ELAPOR2: variants seen among roughly 807,000 people sequenced by gnomAD.
The protein encoded by ELAPOR2 is endosome/lysosome-associated apoptosis and autophagy regulator family member 2.
In ELAPOR2, 89 loss-of-function variants were observed where a neutral mutation model predicts 120.7. That is an observed-to-expected ratio of 0.74 (90% CI 0.62 to 0.88). The LOEUF (loss-of-function observed/expected upper bound fraction) is 0.88, where lower values mean the gene tolerates loss of function less well. Ranked by LOEUF, ELAPOR2 falls within the 40% of genes least tolerant of loss-of-function variation. The probability of loss-of-function intolerance (pLI) is 0.00; values close to 1 mark genes in which losing one functional copy is unlikely to be tolerated. For synonymous variants in ELAPOR2, 444 were observed against 444.9 expected (o/e 1.00, Z 0.03); for missense variants, 1,134 against 1,251.6 (o/e 0.91, Z 1.42).
At chr7:86,982,157 G>A (rs910358685) in intron 1 of ELAPOR2, among the ~76,000 whole-genome samples, 1 of 152,260 alleles carries the variant, frequency 6.6e-6, no homozygotes, top group Non-Finnish European at 1.5e-5. Context: ...AGTGGCCAGG[G>A]AAGCTCTAAC....
At chr7:87,055,887 A>G (rs1479271778) in intron 1 of ELAPOR2, among the ~76,000 whole-genome samples, 1 of 152,244 alleles carries the variant, frequency 6.6e-6, no homozygotes, top group Non-Finnish European at 1.5e-5. Context: ...GTCAGGGAGA[A>G]CAGCAGAATT....
At position 87,050,685 on chromosome 7, in the gene ELAPOR2, A is replaced by G. The variant is rs1343249966; in HGVS notation, c.189+8640T>C. ...GAAGGGTGTTGAACAAAAGAATAAC[A>G]GTTTTAAATTTATATTTTAATGCTA... On this transcript the variant is annotated intron_variant, in intron 1 of 21. Coordinates refer to ENST00000450689, the MANE Select transcript of ELAPOR2 (RefSeq NM_001142749.3). 2.0e-5 allele frequency among the ~76,000 whole-genome samples: 3 copies of G among 152,214 alleles called. No homozygotes were observed. In the East Asian group the frequency reaches 5.8e-4, roughly 29 times the overall value.
At chr7:86,968,546 T>C (rs1198023264) in intron 1 of ELAPOR2, among the ~76,000 whole-genome samples, 3 of 152,202 alleles carry the variant, frequency 2.0e-5, no homozygotes, top group Non-Finnish European at 2.9e-5. Flanking sequence ...ACAAAAATCA[T>C]TTGTATTATT....
chr7:87,030,075 AT>A (rs1794377174), intron 1 of ELAPOR2, among the ~76,000 whole-genome samples: 1 of 152,286 alleles, frequency 6.6e-6, no homozygotes, highest in African/African-American at 2.4e-5. Flanking sequence ...AAACAATCTG[AT>A]TTTGAAGAGA....
At chr7:86,994,963 T>C (rs1793076058) in intron 1 of ELAPOR2, among the ~76,000 whole-genome samples, 1 of 152,186 alleles carries the variant, frequency 6.6e-6, no homozygotes, top group South Asian at 2.1e-4. Flanking sequence ...AACCGAGCTT[T>C]TTTATATAAC....
intron 3 of ELAPOR2, among the ~76,000 whole-genome samples, chr7:86,945,581 C>T (rs1416844638): frequency 6.6e-6 from 1 of 152,072 alleles, no homozygotes; most frequent in Non-Finnish European, 1.5e-5. Context: ...TTATTTAAAA[C>T]ATAATACCAT....
At chr7:86,906,010 G>A (rs1476438495) in intron 18 of ELAPOR2, among the ~76,000 whole-genome samples, 2 of 152,092 alleles carry the variant, frequency 1.3e-5, no homozygotes, top group Non-Finnish European at 2.9e-5. Flanking sequence ...AGAGTGATGT[G>A]TTTCCTAAAG....
chr7:86,965,510 G>C (rs975540122), intron 1 of ELAPOR2, among the ~76,000 whole-genome samples: 3 of 152,068 alleles, frequency 2.0e-5, no homozygotes, highest in Non-Finnish European at 4.4e-5. Flanking sequence ...ACTAATAAAA[G>C]ACTACAAGTT....
At chr7:87,041,756 T>C (rs1179331952) in intron 1 of ELAPOR2, among the ~76,000 whole-genome samples, 1 of 151,248 alleles carries the variant, frequency 6.6e-6, no homozygotes, top group Non-Finnish European at 1.5e-5. Context: ...AATTCACACA[T>C]AACAATATTA....
At chr7:87,023,280 T>C (rs948624679) in intron 1 of ELAPOR2, among the ~76,000 whole-genome samples, 42 of 152,350 alleles carry the variant, frequency 2.8e-4, no homozygotes, top group African/African-American at 4.6e-4. Flanking sequence ...GCTTTCTACA[T>C]ATGGCTAGCC....
chr7:86,947,524 A>T (rs564461671), intron 3 of ELAPOR2, among the ~76,000 whole-genome samples: 1 of 152,366 alleles, frequency 6.6e-6, no homozygotes, highest in South Asian at 2.1e-4. Flanking sequence ...TTTTGCATAC[A>T]GTGTCTATTA....
intron 1 of ELAPOR2, among the ~76,000 whole-genome samples, chr7:86,969,023 A>G (rs528653617): frequency 6.6e-6 from 1 of 152,290 alleles, no homozygotes; most frequent in South Asian, 2.1e-4. Flanking sequence ...GAAATAGAAC[A>G]TGGAATTACT....
intron 21 of ELAPOR2, among the ~76,000 whole-genome samples, chr7:86,886,094 A>C (rs1799675718): frequency 6.6e-6 from 1 of 152,140 alleles, no homozygotes; most frequent in Non-Finnish European, 1.5e-5. Flanking sequence ...GCCCTGATTG[A>C]GTTATGACAC....
intron 1 of ELAPOR2, among the ~76,000 whole-genome samples, chr7:87,022,238 C>T (rs1477352506): frequency 1.8e-5 from 2 of 111,786 alleles, no homozygotes; most frequent in East Asian, 3.3e-4. Context: ...CCTCCCCCCA[C>T]CCCACAACAG....
At chr7:87,022,045 G>C (rs1042253981) in intron 1 of ELAPOR2, among the ~76,000 whole-genome samples, 1 of 151,958 alleles carries the variant, frequency 6.6e-6, no homozygotes, top group Admixed American at 6.6e-5. Context: ...GACAGCCATA[G>C]GTTAGTGAAT....
At chr7:86,983,439 A>G (rs374351321) in intron 1 of ELAPOR2, among the ~76,000 whole-genome samples, 1 of 148,960 alleles carries the variant, frequency 6.7e-6, no homozygotes, top group Admixed American at 6.7e-5. Flanking sequence ...GCCAGAGAGA[A>G]GGTCGGGTTA....
At position 86,925,616 on chromosome 7, in the gene ELAPOR2, G is replaced by A; in HGVS notation, c.1311C>T (p.Gly437=). 6.2e-7 allele frequency: 1 copy of A among 1,611,908 alleles called. No homozygotes were observed. The highest frequency in any genetic ancestry group is 2.2e-5 in the East Asian group (1 of 44,812). Residue 437 remains glycine, a synonymous_variant, in exon 10 of 22, where the codon GGC becomes GGT. Coordinates refer to ENST00000450689, the MANE Select transcript of ELAPOR2 (RefSeq NM_001142749.3). ...PCPAGTEPAL[G]FEYKWWNVLP... is the part of the protein sequence containing the mutation. ...GGACATTCCACCATTTATATTCAAA[G>A]CCAAGTGCAGGCTCCGTTCCTGCTG...
chr7:86,966,340 C>T lies in ELAPOR2; in HGVS notation c.190-1316G>A, dbSNP rs142843934. On this transcript the variant is annotated intron_variant, in intron 1 of 21. Coordinates refer to ENST00000450689, the MANE Select transcript of ELAPOR2 (RefSeq NM_001142749.3). ...TTTATGAGATATTCCTCTTTTCTTTCGGGGCCCTCACTAGTATCACTTTCA... is the reference window on the plus strand; with the variant it reads ...TTTATGAGATATTCCTCTTTTCTTTTGGGGCCCTCACTAGTATCACTTTCA... 4.2e-3 allele frequency among the ~76,000 whole-genome samples: 644 copies of T among 152,156 alleles called. 5 individuals are homozygous for T. The highest frequency in any genetic ancestry group is 6.1e-3 in the Non-Finnish European group (415 of 68,000).
intron 2 of ELAPOR2, 145 bp from the exon 3 acceptor site, chr7:86,948,067 C>A: frequency 4.8e-6 from 3 of 619,466 alleles, no homozygotes. Flanking sequence ...TCACTACATG[C>A]ATTTCACAAT....
Sources: gnomAD v4.1 joint callset for allele counts (sites outside exome capture counted in the v4.1 genomes callset) on GRCh38, gnomAD v4.1.1 for gene constraint, MANE v1.5 for transcripts, NCBI Gene and HGNC (gene_info 2026-07-23, HGNC 2026-07-21) for gene names.